GALM: variants seen among roughly 807,000 people sequenced by gnomAD.
GALM encodes galactose mutarotase, also known as aldose 1-epimerase.
Under a neutral mutation model 37.4 loss-of-function variants are expected in GALM, and 43 were observed. That is an observed-to-expected ratio of 1.15 (90% CI 0.90 to 1.48). GALM has a LOEUF of 1.48. Among genes scored for constraint, GALM ranks in the 40% most tolerant of loss-of-function variants. GALM has a pLI of 0.00. For missense variants in GALM, 456 were observed against 419.1 expected (o/e 1.09, Z -0.77); for synonymous variants, 199 against 170.6 (o/e 1.17, Z -1.30).
At chr2:38,694,924 AGG>A (rs1665770642) in intron 4 of GALM, among the ~76,000 whole-genome samples, 6 of 151,388 alleles carry the variant, frequency 4.0e-5, no homozygotes, top group Admixed American at 6.6e-5. Flanking sequence ...AAAAAAAGAA[AGG>A]GAAAGTCAAG....
At chr2:38,682,271 A>C (rs1665416165) in intron 3 of GALM, 1 of 455,102 alleles carries the variant, frequency 2.2e-6, no homozygotes, top group Non-Finnish European at 4.4e-6. Flanking sequence ...GGAGGATATC[A>C]TATCAGACAG....
intron 3 of GALM, among the ~76,000 whole-genome samples, chr2:38,684,162 T>C (rs951069508): frequency 1.3e-5 from 2 of 152,196 alleles, no homozygotes; most frequent in Non-Finnish European, 2.9e-5. Flanking sequence ...TTTGTTTGTT[T>C]TTTAAATTTA....
intron 2 of GALM, among the ~76,000 whole-genome samples, chr2:38,677,176 C>T (rs565980346): frequency 6.6e-6 from 1 of 152,358 alleles, no homozygotes; most frequent in South Asian, 2.1e-4. Context: ...AGTGATTGCT[C>T]TCTTACTAGT....
At chr2:38,672,165 G>T (rs1665122927) in intron 1 of GALM, among the ~76,000 whole-genome samples, 1 of 152,206 alleles carries the variant, frequency 6.6e-6, no homozygotes, top group South Asian at 2.1e-4. Flanking sequence ...CCATGTGGTA[G>T]GAGCCCTGCT....
At chr2:38,712,291 T>C (rs1185639506) in intron 4 of GALM, among the ~76,000 whole-genome samples, 3 of 152,232 alleles carry the variant, frequency 2.0e-5, no homozygotes, top group African/African-American at 7.2e-5. Context: ...TCCCTACAGA[T>C]TGTGCTCACT....
At chr2:38,704,487 A>G (rs544305728) in intron 4 of GALM, among the ~76,000 whole-genome samples, 5 of 152,208 alleles carry the variant, frequency 3.3e-5, no homozygotes, top group African/African-American at 1.2e-4. Flanking sequence ...AGAAATACAG[A>G]GAGACCCCAT....
intron 4 of GALM, among the ~76,000 whole-genome samples, chr2:38,711,412 C>T (rs1161843732): frequency 6.6e-5 from 10 of 152,036 alleles, no homozygotes; most frequent in Non-Finnish European, 1.5e-4. Flanking sequence ...CCGCCCACCT[C>T]GGCTTCCCAA....
Position 38,694,883 on chromosome 2 carries a change from C to G in GALM, c.634+4989C>G, listed in dbSNP as rs191960891. 1.4e-4 allele frequency among the ~76,000 whole-genome samples: 16 copies of G among 111,960 alleles called. No individual in the cohort carries two copies. In the East Asian group the frequency reaches 3.0e-3, roughly 21 times the overall value. The allele number at this position is 111,960 out of a possible 152,430, so 73.5% of individuals were successfully genotyped here. ...CTACACTCCAGCCTGGGCAACAGAG[C>G]AAGACTCCGTCTCAAAAAAAAAAAA... On this transcript the variant is annotated intron_variant, in intron 4 of 6. Transcript: ENST00000272252.
At chr2:38,708,556 A>G (rs892292809) in intron 4 of GALM, among the ~76,000 whole-genome samples, 7 of 152,070 alleles carry the variant, frequency 4.6e-5, no homozygotes, top group African/African-American at 1.4e-4. Context: ...CCCAGCTAAC[A>G]TGGTGAAACC....
intron 4 of GALM, among the ~76,000 whole-genome samples, chr2:38,722,417 G>C (rs1231663967): frequency 1.3e-5 from 2 of 152,178 alleles, no homozygotes; most frequent in Non-Finnish European, 2.9e-5. Flanking sequence ...ATAGGGCATG[G>C]GCTGCTCCTC....
At chr2:38,698,366 G>A (rs1324132860) in intron 4 of GALM, 1 of 1,304,416 alleles carries the variant, frequency 7.7e-7, no homozygotes, top group Non-Finnish European at 1.0e-6. Flanking sequence ...CCCATGGCAG[G>A]TGGCACCAAC....
In GALM at chr2:38,729,698, G is replaced by A; in HGVS notation, c.776+1G>A. 1.9e-6 allele frequency: 3 copies of A among 1,611,160 alleles called. No homozygotes were observed. The highest frequency in any genetic ancestry group is 4.5e-5 in the East Asian group (2 of 44,744). ...CTAAAGAAAAGCATTTTTGTGCAAG[G>A]TCAGGTACTTTTCACTTCCTGAGTC... is the stretch of plus-strand genomic sequence containing the variant. On this transcript the variant is annotated splice_donor_variant, in intron 5 of 6. Transcript: ENST00000272252. LOFTEE classifies it high-confidence loss of function.
rs1166126317 is a variant in GALM, at chr2:38,712,747, G to C, written c.635-16809G>C. ...TGGTGTTGCCTGCGTTTCTATAAAG[G>C]AGGAGCGCAGGACAGCAATCTCATC... is the stretch of plus-strand genomic sequence containing the variant. On this transcript the variant is annotated intron_variant, in intron 4 of 6. Transcript: ENST00000272252. 2.6e-5 allele frequency among the ~76,000 whole-genome samples: 4 copies of C among 152,326 alleles called. No individual in the cohort carries two copies. The East Asian group carries it at 7.7e-4, about 29-fold the overall frequency.
At chr2:38,693,309 C>G (rs760465156) in intron 4 of GALM, among the ~76,000 whole-genome samples, 12 of 151,948 alleles carry the variant, frequency 7.9e-5, no homozygotes, top group Admixed American at 1.3e-4. Context: ...ATGGTGAAAC[C>G]CTGTCTCTAC....
chr2:38,727,658 AGAGGTTGCAG>A (rs1250281530), intron 4 of GALM, among the ~76,000 whole-genome samples: 1 of 151,242 alleles, frequency 6.6e-6, no homozygotes, highest in Non-Finnish European at 1.5e-5. Flanking sequence ...ACCAGGAGGC[AGAGGTTGCAG>A]TGAGCCTAGA....
In GALM at chr2:38,676,082, G is replaced by A. The variant is rs761093639; in HGVS notation, c.345+16G>A. On this transcript the variant is annotated intron_variant, in intron 2 of 6. Coordinates refer to ENST00000272252, the MANE Select transcript of GALM (RefSeq NM_138801.3). ...GTTTGATAAAGTAAGTACGGCACATGTGACTGAGTTCCCTTTAGGCTCACT... is the reference window on the plus strand; with the variant it reads ...GTTTGATAAAGTAAGTACGGCACATATGACTGAGTTCCCTTTAGGCTCACT... 3.1e-6 allele frequency: 5 copies of A among 1,613,376 alleles called. No individual in the cohort carries two copies. Among genetic ancestry groups the A allele is most frequent in the Non-Finnish European group, 4.2e-6 (5 of 1,179,464 alleles).
At chr2:38,674,013 T>A (rs1403787586) in intron 1 of GALM, among the ~76,000 whole-genome samples, 1 of 152,070 alleles carries the variant, frequency 6.6e-6, no homozygotes, top group Admixed American at 6.6e-5. Context: ...TGTAGTTAAT[T>A]CAAATTTTTA....
intron 3 of GALM, chr2:38,682,200 C>G (rs545925804): frequency 3.1e-5 from 13 of 416,708 alleles, no homozygotes; most frequent in African/African-American, 2.4e-4. Context: ...GACAACCCCC[C>G]TTAAGTGATC....
chr2:38,686,010 G>GC (rs1406539014), intron 3 of GALM, among the ~76,000 whole-genome samples: 1 of 151,854 alleles, frequency 6.6e-6, no homozygotes, highest in Admixed American at 6.6e-5. Context: ...ACCATGCCTG[G>GC]CCACAAAGCA....
Sources: gnomAD v4.1 joint callset for allele counts (sites outside exome capture counted in the v4.1 genomes callset) on GRCh38, gnomAD v4.1.1 for gene constraint, MANE v1.5 for transcripts, NCBI Gene and HGNC (gene_info 2026-07-23, HGNC 2026-07-21) for gene names.